The following THADA variants were observed in gnomAD, a reference collection of about 807,000 sequenced individuals.
THADA encodes THADA armadillo repeat containing, also known as tRNA (32-2'-O)-methyltransferase regulator THADA.
In THADA, 213 loss-of-function variants were observed where a neutral mutation model predicts 219.8. That is an observed-to-expected ratio of 0.97 (90% CI 0.87 to 1.09). THADA has a LOEUF of 1.09. Among genes scored for constraint, THADA ranks in the 50% least tolerant of loss-of-function variants. The pLI is 0.00. For missense variants in THADA, 2,956 were observed against 2,311.3 expected (o/e 1.28, Z -5.72); for synonymous variants, 1,018 against 828.9 (o/e 1.23, Z -3.92).
intron 17 of THADA, 127 bp downstream of exon 17, chr2:43,556,218 G>A: frequency 1.4e-6 from 2 of 1,477,326 alleles, no homozygotes; most frequent in Non-Finnish European, 1.8e-6. Context: ...AACCCATGGT[G>A]CTCTTATATG....
At chr2:43,287,957 G>A (rs1181014199) in intron 34 of THADA, among the ~76,000 whole-genome samples, 1 of 152,212 alleles carries the variant, frequency 6.6e-6, no homozygotes, top group Non-Finnish European at 1.5e-5. Context: ...ACAAGATGGT[G>A]GAAGCTGGAG....
At chr2:43,590,726 G>A in intron 4 of THADA, 98 bp downstream of exon 4, 1 of 1,259,206 alleles carries the variant, frequency 7.9e-7, no homozygotes, top group Non-Finnish European at 1.1e-6. Flanking sequence ...TTTGTGATCT[G>A]TATCAGTTCA....
chr2:43,241,907 A>C (rs1480588600), intron 36 of THADA, among the ~76,000 whole-genome samples: 1 of 152,146 alleles, frequency 6.6e-6, no homozygotes, highest in African/African-American at 2.4e-5. Flanking sequence ...GAGAACACTG[A>C]GTCCCTCAAC....
intron 26 of THADA, among the ~76,000 whole-genome samples, chr2:43,444,053 C>T (rs990375410): frequency 1.3e-5 from 2 of 152,094 alleles, no homozygotes; most frequent in African/African-American, 4.8e-5. Flanking sequence ...ATTTTAAAAG[C>T]TTTAGAAATA....
chr2:43,295,374 AATTC>A (rs1398577271), intron 31 of THADA, among the ~76,000 whole-genome samples: 1 of 152,218 alleles, frequency 6.6e-6, no homozygotes, highest in Non-Finnish European at 1.5e-5. Context: ...GGCTCTCACT[AATTC>A]ATTAACTAGC....
At chr2:43,445,100 C>T (rs1249464831) in intron 26 of THADA, among the ~76,000 whole-genome samples, 1 of 152,060 alleles carries the variant, frequency 6.6e-6, no homozygotes, top group Non-Finnish European at 1.5e-5. Context: ...AAAACCACCC[C>T]ACAAGAGAGA....
Position 43,231,247 on chromosome 2 carries a change from G to A in THADA, c.5563C>T (p.Leu1855Phe). 1 of 1,613,472 alleles carries A rather than the reference G, an allele frequency of 6.2e-7. No individual in the cohort carries two copies. Among genetic ancestry groups the A allele is most frequent in the Non-Finnish European group, 8.5e-7 (1 of 1,179,706 alleles). ...GGGGGACGCCAGCCGGACTTTGAGAGGAGACAGAAGAGGTGCTTGCAGAGG... is the reference window on the plus strand; with the variant it reads ...GGGGGACGCCAGCCGGACTTTGAGAAGAGACAGAAGAGGTGCTTGCAGAGG... ...KYLCKHLFCL[L>F]SKSGWRPPSP... The change falls in exon 38 of 38, where the codon CTC (leucine) becomes TTC (phenylalanine). Residue 1855 changes from leucine to phenylalanine, a missense_variant. Physicochemically the swap from Leu to Phe is conservative, Grantham distance 22. Transcript: ENST00000405975.
chr2:43,552,210 G>T lies in THADA; in HGVS notation c.2804C>A (p.Ser935Tyr). 6.2e-7 allele frequency: 1 copy of T among 1,607,220 alleles called. No homozygotes were observed. Among genetic ancestry groups the T allele is most frequent in the Non-Finnish European group, 8.5e-7 (1 of 1,177,810 alleles). ...HCITGALQKL[S>Y]LNSLQLVSEW... is the part of the protein sequence containing the mutation. ...CAGCTGTGGAAATCCTTACTTTAGA[G>T]ATAACTTCTGCAAAGCTCCTGTTAT... is the stretch of plus-strand genomic sequence containing the variant. The change falls in exon 18 of 38, where the codon TCT becomes TAT. Residue 935 changes from serine (S) to tyrosine (Y), a missense_variant. Ser to Tyr is a moderately radical substitution (Grantham distance 144). Coordinates refer to ENST00000405975, the MANE Select transcript of THADA (RefSeq NM_022065.5).
intron 16 of THADA, among the ~76,000 whole-genome samples, chr2:43,558,141 T>A (rs887999529): frequency 1.3e-5 from 2 of 152,314 alleles, no homozygotes; most frequent in Admixed American, 1.3e-4. Flanking sequence ...AATCGAAGTA[T>A]AATATGACAA....
At chr2:43,445,530 A>G (rs1165598745) in intron 26 of THADA, among the ~76,000 whole-genome samples, 2 of 152,232 alleles carry the variant, frequency 1.3e-5, no homozygotes, top group African/African-American at 4.8e-5. Context: ...TCTACCAGGA[A>G]GCCCTTTCAG....
At chr2:43,482,937 G>A (rs1686411917) in intron 26 of THADA, among the ~76,000 whole-genome samples, 1 of 152,176 alleles carries the variant, frequency 6.6e-6, no homozygotes, top group Non-Finnish European at 1.5e-5. Context: ...TATAGATGGA[G>A]AAACTGAAGT....
intron 28 of THADA, among the ~76,000 whole-genome samples, chr2:43,421,489 T>C (rs1156786096): frequency 6.6e-6 from 1 of 152,170 alleles, no homozygotes; most frequent in African/African-American, 2.4e-5. Flanking sequence ...CTACTTGTAA[T>C]GAGCAAGGCT....
intron 21 of THADA, among the ~76,000 whole-genome samples, chr2:43,536,662 C>A (rs899483133): frequency 6.6e-6 from 1 of 151,826 alleles, no homozygotes; most frequent in East Asian, 1.9e-4. Flanking sequence ...GTATAATTCA[C>A]CAACAGACTA....
At chr2:43,467,181 C>CAAAAAAAAAAAAAAAAAAAAAAAAAAAA (rs70963399) in intron 26 of THADA, among the ~76,000 whole-genome samples, 1 of 58,390 alleles carries the variant, frequency 1.7e-5, no homozygotes, top group Non-Finnish European at 3.3e-5. Context: ...GACTCCGTCT[C>CAAAAAAAAAAAAAAAAAAAAAAAAAAAA]AAAAAAAAAA....
At chr2:43,312,829 CCA>C (rs1292886164) in intron 31 of THADA, among the ~76,000 whole-genome samples, 1 of 151,776 alleles carries the variant, frequency 6.6e-6, no homozygotes, top group East Asian at 1.9e-4. Flanking sequence ...TATTTCCCAC[CCA>C]GAGCTGAGAA....
chr2:43,580,883 CA>C (rs545978795), intron 8 of THADA, among the ~76,000 whole-genome samples: 37 of 136,812 alleles, frequency 2.7e-4, no homozygotes, highest in Admixed American at 2.9e-4. Flanking sequence ...CCATCTCAGA[CA>C]AAAAAAAAAA....
chr2:43,463,353 T>C (rs1683858678), intron 26 of THADA: 1 of 152,204 alleles, frequency 6.6e-6, no homozygotes, highest in South Asian at 2.1e-4. Flanking sequence ...TTTGGAAATC[T>C]TGGCTGGCAG....
chr2:43,534,329 A>G (rs1250228809), intron 21 of THADA, among the ~76,000 whole-genome samples: 1 of 152,182 alleles, frequency 6.6e-6, no homozygotes, highest in Non-Finnish European at 1.5e-5. Flanking sequence ...TGTTAGGAAC[A>G]TTCAACATCC....
chr2:43,586,638 C>A, intron 6 of THADA, 64 bp downstream of exon 6: 2 of 1,529,104 alleles, frequency 1.3e-6, no homozygotes, highest in South Asian at 1.2e-5. Context: ...CTTAAAAGAG[C>A]CAGTTCCAAA....
Sources: gnomAD v4.1 joint callset for allele counts (sites outside exome capture counted in the v4.1 genomes callset) on GRCh38, gnomAD v4.1.1 for gene constraint, MANE v1.5 for transcripts, NCBI Gene and HGNC (gene_info 2026-07-23, HGNC 2026-07-21) for gene names.